Variants in EXOC4 observed in about 807,000 individuals in gnomAD.
The protein encoded by EXOC4 is exocyst complex component 4.
Under a neutral mutation model 107.2 loss-of-function variants are expected in EXOC4, and 71 were observed. The observed-to-expected ratio is 0.66, with a 90% confidence interval of 0.55 to 0.81. The LOEUF is 0.81. Ranked by LOEUF, EXOC4 falls within the 30% of genes least tolerant of loss-of-function variation. The pLI, the probability that EXOC4 is intolerant of heterozygous loss-of-function variation, is 0.00. For missense variants in EXOC4, 1,108 were observed against 1,189.6 expected (o/e 0.93, Z 1.01); for synonymous variants, 456 against 441.2 (o/e 1.03, Z -0.42).
chr7:133,989,017 G>A (rs896590924), intron 14 of EXOC4, among the ~76,000 whole-genome samples: 8 of 152,196 alleles, frequency 5.3e-5, no homozygotes, highest in African/African-American at 1.7e-4. Flanking sequence ...GGCCAGGTAA[G>A]AAGCAGAGAC....
intron 6 of EXOC4, among the ~76,000 whole-genome samples, chr7:133,369,858 G>C (rs865843820): frequency 2.4e-5 from 3 of 123,076 alleles, no homozygotes; most frequent in African/African-American, 3.4e-5. Flanking sequence ...CCAGGCTGGA[G>C]TGCAATGGCG....
chr7:133,628,975 G>A (rs1031970396), intron 9 of EXOC4, among the ~76,000 whole-genome samples: 3 of 152,186 alleles, frequency 2.0e-5, no homozygotes, highest in Non-Finnish European at 2.9e-5. Context: ...GGATGACAAT[G>A]TTTAGAAAAC....
In EXOC4 at chr7:133,459,671, A is replaced by G. The variant is rs188163918; in HGVS notation, c.1183-15657A>G. 1.1e-3 allele frequency among the ~76,000 whole-genome samples: 172 copies of G among 152,320 alleles called. 1 individual carries two copies. The highest frequency in any genetic ancestry group is 3.9e-3 in the African/African-American group (161 of 41,566). ...GATCTTATCGGATCATATGCTGCCA[A>G]TCATACAGTGTGATTTTCATTTACT... On this transcript the variant is annotated intron_variant, in intron 7 of 17. Transcript: ENST00000253861.
chr7:133,888,546 G>C (rs1563044474), intron 11 of EXOC4, among the ~76,000 whole-genome samples: 1 of 152,176 alleles, frequency 6.6e-6, no homozygotes, highest in Admixed American at 6.5e-5. Flanking sequence ...TTTAGAATTT[G>C]TTGACTATGC....
At chr7:133,446,135 C>G (rs537965657) in intron 7 of EXOC4, among the ~76,000 whole-genome samples, 2 of 151,802 alleles carry the variant, frequency 1.3e-5, no homozygotes, top group African/African-American at 4.8e-5. Flanking sequence ...GTGACTGTTT[C>G]TCTTTCTGGT....
chr7:133,850,218 G>A (rs753147657), intron 11 of EXOC4, among the ~76,000 whole-genome samples: 3 of 152,052 alleles, frequency 2.0e-5, no homozygotes, highest in Non-Finnish European at 4.4e-5. Flanking sequence ...TAGAGCTTTG[G>A]CACTGACCAG....
chr7:133,323,196 C>G (rs183033005), intron 5 of EXOC4, among the ~76,000 whole-genome samples: 2 of 152,154 alleles, frequency 1.3e-5, no homozygotes, highest in East Asian at 3.9e-4. Context: ...AATTGAATAC[C>G]CTTTATTTCC....
At chr7:133,488,555 A>G (rs192643178) in intron 9 of EXOC4, among the ~76,000 whole-genome samples, 7 of 152,320 alleles carry the variant, frequency 4.6e-5, no homozygotes, top group Admixed American at 3.3e-4. Flanking sequence ...AGACCAGTCA[A>G]TAAAGAATGG....
intron 10 of EXOC4, among the ~76,000 whole-genome samples, chr7:133,660,031 A>G (rs543776353): frequency 6.1e-4 from 93 of 152,274 alleles, no homozygotes; most frequent in African/African-American, 2.2e-3. Flanking sequence ...TCAGCCACCA[A>G]CCTGCAGTGT....
intron 10 of EXOC4, among the ~76,000 whole-genome samples, chr7:133,688,747 A>G (rs1280280941): frequency 6.6e-6 from 1 of 151,966 alleles, no homozygotes; most frequent in Non-Finnish European, 1.5e-5. Flanking sequence ...TTTTTTGTCA[A>G]GAGATGCTTC....
At chr7:133,461,648 G>T (rs1418892989) in intron 7 of EXOC4, among the ~76,000 whole-genome samples, 1 of 152,134 alleles carries the variant, frequency 6.6e-6, no homozygotes, top group East Asian at 1.9e-4. Context: ...TATCTCATTG[G>T]AGCAGAAATG....
chr7:133,583,714 T>C (rs1372293078), intron 9 of EXOC4, among the ~76,000 whole-genome samples: 3 of 152,188 alleles, frequency 2.0e-5, no homozygotes, highest in Admixed American at 2.0e-4. Context: ...GGGAAAGGCC[T>C]GATTTTTGAA....
chr7:134,046,775 C>T (rs547207282), intron 17 of EXOC4, among the ~76,000 whole-genome samples: 4 of 152,282 alleles, frequency 2.6e-5, no homozygotes, highest in East Asian at 1.9e-4. Context: ...ATTTTCTCCT[C>T]GCTTTTGTCC....
chr7:133,796,651 T>C (rs1796821682), intron 10 of EXOC4, among the ~76,000 whole-genome samples: 1 of 152,044 alleles, frequency 6.6e-6, no homozygotes, highest in African/African-American at 2.4e-5. Flanking sequence ...CCAGATACTC[T>C]GGAGGCTGAG....
the EXOC4 span, among the ~76,000 whole-genome samples, chr7:134,098,523 A>T: frequency 5.3e-5 from 8 of 152,186 alleles, no homozygotes; most frequent in African/African-American, 1.9e-4. Flanking sequence ...CTTAAATAGC[A>T]GATTAACTGC....
At chr7:133,359,484 T>A (rs940622190) in intron 6 of EXOC4, among the ~76,000 whole-genome samples, 1 of 152,178 alleles carries the variant, frequency 6.6e-6, no homozygotes, top group Non-Finnish European at 1.5e-5. Context: ...GCTAAAGATA[T>A]ATGAATTTAT....
At chr7:134,033,276 C>A (rs1216382754) in intron 17 of EXOC4, among the ~76,000 whole-genome samples, 4 of 152,182 alleles carry the variant, frequency 2.6e-5, no homozygotes. Context: ...GGACTATTTT[C>A]TTCACCCCTC....
At chr7:133,853,904 G>A (rs1406043034) in intron 11 of EXOC4, among the ~76,000 whole-genome samples, 1 of 152,178 alleles carries the variant, frequency 6.6e-6, no homozygotes, top group Non-Finnish European at 1.5e-5. Flanking sequence ...TCTTTGGCTG[G>A]CATATTTGTG....
intron 11 of EXOC4, among the ~76,000 whole-genome samples, chr7:133,875,247 T>C (rs1488370878): frequency 6.6e-6 from 1 of 152,210 alleles, no homozygotes; most frequent in East Asian, 1.9e-4. Context: ...TGGGTATTGA[T>C]TGAGATATTT....
Sources: gnomAD v4.1 joint callset for allele counts (sites outside exome capture counted in the v4.1 genomes callset) on GRCh38, gnomAD v4.1.1 for gene constraint, MANE v1.5 for transcripts, NCBI Gene and HGNC (gene_info 2026-07-23, HGNC 2026-07-21) for gene names.